SMARCE1: variants seen among roughly 807,000 people sequenced by gnomAD.
SMARCE1 encodes the protein SWI/SNF related BAF chromatin remodeling complex subunit E1, also known as SWI/SNF-related matrix-associated actin-dependent regulator of chromatin subfamily E member 1.
SMARCE1 carries 13 observed loss-of-function variants against 54.9 expected under a neutral mutation model. The ratio of observed to expected loss-of-function variants is 0.24; its 90% confidence interval spans 0.15 to 0.38. SMARCE1 has a LOEUF of 0.38. Among genes scored for constraint, SMARCE1 ranks in the 10% least tolerant of loss-of-function variants. SMARCE1 has a pLI of 1.00. For missense variants in SMARCE1, 295 were observed against 523.8 expected, an observed-to-expected ratio of 0.56 and a Z score of 4.26; for synonymous variants, 151 against 175.3, an observed-to-expected ratio of 0.86 and a Z score of 1.10.
At chr17:40,630,162 C>T in intron 10 of SMARCE1, 1 of 995,594 alleles carries the variant, frequency 1.0e-6, no homozygotes, top group Non-Finnish European at 1.5e-6. Flanking sequence ...GTAATCAGTA[C>T]TTTATGTAAG....
At chr17:40,636,573 T>C (rs375591876) in intron 5 of SMARCE1, 47 bp from the exon 6 acceptor site, 14 of 1,481,832 alleles carry the variant, frequency 9.4e-6, no homozygotes, top group East Asian at 2.3e-5. Context: ...TCTAAACGTA[T>C]AGACCTTTAA....
At chr17:40,632,450 C>G in intron 7 of SMARCE1, 83 bp from the exon 8 acceptor site, 1 of 1,205,978 alleles carries the variant, frequency 8.3e-7, no homozygotes, top group East Asian at 2.4e-5. Context: ...TAATTACCAA[C>G]GAACTATGGC....
chr17:40,630,650 C>G (rs1488622922), intron 10 of SMARCE1, 64 bp downstream of exon 10: 1 of 1,384,232 alleles, frequency 7.2e-7, no homozygotes, highest in African/African-American at 1.4e-5. Context: ...GAAAGAAAAA[C>G]CTAAATTAAA....
At chr17:40,641,528 A>AGGC (rs1227629638) in intron 4 of SMARCE1, 1 of 152,204 alleles carries the variant, frequency 6.6e-6, no homozygotes, top group Non-Finnish European at 1.5e-5. Flanking sequence ...CATTAATAGA[A>AGGC]GGCACTTGTT....
chr17:40,643,270 C>A (rs976844750), intron 3 of SMARCE1: 1 of 152,218 alleles, frequency 6.6e-6, no homozygotes, highest in African/African-American at 2.4e-5. Context: ...TAGGATTTCT[C>A]TTCCATTTCT....
At chr17:40,643,519 C>G (rs1355298164) in intron 3 of SMARCE1, 1 of 152,136 alleles carries the variant, frequency 6.6e-6, no homozygotes, top group Admixed American at 6.5e-5. Context: ...CAATGACACT[C>G]AATGTTCATG....
At chr17:40,637,429 G>A in intron 5 of SMARCE1, 63 bp downstream of exon 5, 1 of 1,270,494 alleles carries the variant, frequency 7.9e-7, no homozygotes, top group Non-Finnish European at 1.2e-6. Context: ...TCTAAAGTTG[G>A]ATGTTAAGCA....
At chr17:40,635,747 A>T in intron 7 of SMARCE1, 184 bp downstream of exon 7, 1 of 421,410 alleles carries the variant, frequency 2.4e-6, no homozygotes, top group Non-Finnish European at 4.1e-6. Flanking sequence ...TGAAAAGGAT[A>T]TTTCTTTTTC....
intron 4 of SMARCE1, among the ~76,000 whole-genome samples, chr17:40,639,451 G>A (rs879309426): frequency 6.6e-6 from 1 of 152,152 alleles, no homozygotes; most frequent in African/African-American, 2.4e-5. Context: ...ATTCTAAAAT[G>A]CCTATGCTTC....
intron 10 of SMARCE1, chr17:40,630,314 T>C (rs2037079491): frequency 9.7e-7 from 1 of 1,030,810 alleles, no homozygotes; most frequent in Non-Finnish European, 1.5e-6. Context: ...GAAAATATTT[T>C]AGACTTCGCA....
chr17:40,643,158 T>G (rs1308615761), intron 3 of SMARCE1: 1 of 152,228 alleles, frequency 6.6e-6, no homozygotes, highest in South Asian at 2.1e-4. Flanking sequence ...TATGTTGGAT[T>G]TGATGGATGT....
At chr17:40,639,148 G>T (rs149520112) in intron 4 of SMARCE1, among the ~76,000 whole-genome samples, 2,057 of 152,258 alleles carry the variant, frequency 0.014, 24 homozygotes, top group Non-Finnish European at 0.02. Flanking sequence ...CAGGGGCATG[G>T]AAACTGTCAA....
intron 7 of SMARCE1, 80 bp from the exon 8 acceptor site, chr17:40,632,447 C>T (rs1489359172): frequency 8.0e-7 from 1 of 1,257,796 alleles, no homozygotes; most frequent in East Asian, 2.3e-5. Context: ...ACTTAATTAC[C>T]AACGAACTAT....
chr17:40,632,446 C>G, intron 7 of SMARCE1, 79 bp from the exon 8 acceptor site: 1 of 1,265,654 alleles, frequency 7.9e-7, no homozygotes, highest in South Asian at 1.4e-5. Flanking sequence ...CACTTAATTA[C>G]CAACGAACTA....
In SMARCE1 at chr17:40,642,059, C is replaced by A. The variant is rs1597749491; in HGVS notation, c.156+396G>T. ...CAAAAGCTTTCCAGCCCTGAAAAAG[C>A]CAGGTCTGAAAGACCAGCCTCTACT... On this transcript the variant is annotated intron_variant, in intron 4 of 10. Coordinates refer to ENST00000348513, the MANE Select transcript of SMARCE1 (RefSeq NM_003079.5). This position sits in a 1 kb window ranked among gnomAD's most constrained non-coding sequence, Gnocchi z 4.6. 2 of 262,376 alleles carry A rather than the reference C, an allele frequency of 7.6e-6. No individual in the cohort carries two copies. Among genetic ancestry groups the A allele is most frequent in the East Asian group, 1.9e-4 (2 of 10,524 alleles). 16.3% of individuals were successfully genotyped at this position (262,376 alleles called of 1,614,324 possible).
intron 10 of SMARCE1, 162 bp from the exon 11 acceptor site, chr17:40,629,155 G>A (rs990473261): frequency 3.4e-6 from 2 of 588,100 alleles, no homozygotes; most frequent in African/African-American, 3.7e-5. Flanking sequence ...AAGAATGTTG[G>A]AACAATTTGG....
Position 40,636,501 on chromosome 17 carries a change from T to C in SMARCE1, c.263A>G (p.Asn88Ser), listed in dbSNP as rs1163711259. Reference sequence around the variant, plus strand: ...AATCTCCCACAACTTTAGGTCAGGGTTGGAAGCCTTTACTTGGTCCCAGAC... The same window carrying C: ...AATCTCCCACAACTTTAGGTCAGGGCTGGAAGCCTTTACTTGGTCCCAGAC... ...RKVWDQVKAS[N>S]PDLKLWEIGK... Residue 88 changes from asparagine to serine, a missense_variant, in exon 6 of 11, where the codon AAC becomes AGC. By Grantham distance (46) the Asn-to-Ser change is conservative (BLOSUM62 1). Coordinates refer to ENST00000348513, the MANE Select transcript of SMARCE1 (RefSeq NM_003079.5). The C allele has an allele frequency of 6.2e-7, 1 of 1,612,318 alleles. No individual in the cohort carries two copies. Among genetic ancestry groups the C allele is most frequent in the Non-Finnish European group, 8.5e-7 (1 of 1,178,570 alleles).
intron 10 of SMARCE1, chr17:40,629,286 G>A (rs1227881828): frequency 2.5e-6 from 1 of 400,212 alleles, no homozygotes; most frequent in Non-Finnish European, 4.4e-6. Context: ...TTTAAAAAAA[G>A]GAAAGCTGAT....
intron 4 of SMARCE1, chr17:40,641,557 C>T (rs539403338): frequency 1.6e-4 from 24 of 152,086 alleles, no homozygotes; most frequent in Non-Finnish European, 2.6e-4. Context: ...ATACAGCAAA[C>T]AAAAACCAGG....
Sources: gnomAD v4.1 joint callset for allele counts (sites outside exome capture counted in the v4.1 genomes callset) on GRCh38, gnomAD v4.1.1 for gene constraint, Gnocchi (gnomAD v3.1) non-coding constraint, MANE v1.5 for transcripts, NCBI Gene and HGNC (gene_info 2026-07-23, HGNC 2026-07-21) for gene names.